Variants in KIRREL3 observed in about 807,000 individuals in gnomAD.
KIRREL3 encodes the protein kin of IRRE-like protein 3.
A neutral mutation model predicts 89.7 loss-of-function variants in KIRREL3; 36 were observed. That is an observed-to-expected ratio of 0.40 (90% CI 0.31 to 0.53). The LOEUF is 0.53. KIRREL3 is among the 20% of genes least tolerant of loss of function. The pLI, the probability that KIRREL3 is intolerant of heterozygous loss-of-function variation, is 0.49. For synonymous variants in KIRREL3, 445 were observed against 441.4 expected (o/e 1.01, Z -0.10); for missense variants, 864 against 1,056.6 (o/e 0.82, Z 2.53).
rs975714768 is a variant in KIRREL3 at position 126,879,177 on chromosome 11, C to T, written c.55+121278G>A. Among the ~76,000 whole-genome samples the T allele has an allele frequency of 1.1e-4, 16 of 152,280 alleles. No homozygotes were observed. The highest frequency in any genetic ancestry group is 6.2e-4 in the South Asian group (3 of 4,818). On this transcript the variant is annotated intron_variant, in intron 1 of 16. Transcript: ENST00000525144. The surrounding 1 kb of genome is among the most constrained non-coding windows in gnomAD (Gnocchi z 5.4). ...TAAAGAGGGAAACTGGAGCTCATCA[C>T]GGAGGTAATGTACAGGGAACCTATA...
intron 1 of KIRREL3, among the ~76,000 whole-genome samples, chr11:126,873,076 T>G (rs977623524): frequency 6.6e-6 from 1 of 152,204 alleles, no homozygotes; most frequent in Non-Finnish European, 1.5e-5. Context: ...TGATATAAAT[T>G]GTAGCTTTTT....
At chr11:126,714,966 C>T (rs1947902794) in intron 1 of KIRREL3, among the ~76,000 whole-genome samples, 1 of 152,176 alleles carries the variant, frequency 6.6e-6, no homozygotes, top group Non-Finnish European at 1.5e-5. Flanking sequence ...ATCCCAGGCA[C>T]CCGAGGCGTC....
At chr11:126,972,143 C>T (rs1169760710) in intron 1 of KIRREL3, among the ~76,000 whole-genome samples, 3 of 128,806 alleles carry the variant, frequency 2.3e-5, no homozygotes, top group Admixed American at 8.6e-5. Context: ...TTCCCTAGAC[C>T]TGGTGCCTAT....
In KIRREL3 at chr11:126,565,092, C is replaced by A. The variant is rs1940419803; in HGVS notation, c.56-2180G>T. Among the ~76,000 whole-genome samples the A allele has an allele frequency of 6.6e-6, 1 of 152,132 alleles. No individual in the cohort carries two copies. Among genetic ancestry groups the A allele is most frequent in the Admixed American group, 6.6e-5 (1 of 15,258 alleles). On this transcript the variant is annotated intron_variant, in intron 1 of 16. Coordinates refer to ENST00000525144, the MANE Select transcript of KIRREL3 (RefSeq NM_032531.4). The surrounding 1 kb of genome is among the most constrained non-coding windows in gnomAD (Gnocchi z 5.4). ...AGCTTGGGAGGGAGGCAGGGGAGCA[C>A]TGAGTAGGGAGGGCAGAAGATACTG...
intron 1 of KIRREL3, among the ~76,000 whole-genome samples, chr11:126,602,104 G>C (rs374102832): frequency 2.0e-5 from 3 of 152,124 alleles, no homozygotes; most frequent in Non-Finnish European, 4.4e-5. Context: ...CTCCTTTCTC[G>C]CAAAACAAAG....
chr11:126,546,528 C>T (rs12279928), intron 2 of KIRREL3, among the ~76,000 whole-genome samples: 3,506 of 152,292 alleles, frequency 0.023, 112 homozygotes, highest in African/African-American at 0.068. Context: ...GCAAGCGGGC[C>T]GCTTTCTGTC....
chr11:126,467,556 GAGT>G (rs1456805559), intron 5 of KIRREL3, among the ~76,000 whole-genome samples: 6 of 152,138 alleles, frequency 3.9e-5, no homozygotes, highest in African/African-American at 1.2e-4. Context: ...GAAAGGCCGA[GAGT>G]AGCCTGATTG....
At chr11:126,467,464 G>A (rs1956763330) in intron 5 of KIRREL3, among the ~76,000 whole-genome samples, 1 of 152,180 alleles carries the variant, frequency 6.6e-6, no homozygotes, top group Admixed American at 6.5e-5. Flanking sequence ...CTCGGAAATG[G>A]GTGGGCTGGA....
rs182189683 is a variant in KIRREL3, at chr11:126,769,218, C to T, written c.56-206306G>A. 4.7e-3 allele frequency among the ~76,000 whole-genome samples: 714 copies of T among 152,248 alleles called. 2 individuals are homozygous for T. Among genetic ancestry groups the T allele is most frequent in the South Asian group, 0.013 (62 of 4,818 alleles). The stretch of plus-strand genomic sequence containing the variant: ...TTCAACACATCTCTAATATGGCACA[C>T]GGTGTAATACATTGCCATTACCTGC... On this transcript the variant is annotated intron_variant, in intron 1 of 16. Transcript: ENST00000525144. The surrounding 1 kb of genome is among the most constrained non-coding windows in gnomAD (Gnocchi z 4.3).
intron 1 of KIRREL3, among the ~76,000 whole-genome samples, chr11:126,584,639 A>G (rs1421749414): frequency 1.3e-5 from 2 of 152,146 alleles, no homozygotes. Flanking sequence ...TCAGAGTAAC[A>G]CCACCAATGA....
rs994071200 is a variant in KIRREL3 at position 126,905,571 on chromosome 11, G to A, written c.55+94884C>T. ...GGGATCTTTCATTTTGGGCCTTATC[G>A]AACCTGTCCCGCTTGTGACCCACAA... is the stretch of plus-strand genomic sequence containing the variant. On this transcript the variant is annotated intron_variant, in intron 1 of 16. Transcript: ENST00000525144. The surrounding 1 kb of genome is among the most constrained non-coding windows in gnomAD (Gnocchi z 5.0). 1.3e-5 allele frequency among the ~76,000 whole-genome samples: 2 copies of A among 152,024 alleles called. No homozygotes were observed. Among genetic ancestry groups the A allele is most frequent in the East Asian group, 1.9e-4 (1 of 5,176 alleles).
Position 126,656,642 on chromosome 11 carries a change from T to C in KIRREL3, c.56-93730A>G, listed in dbSNP as rs1023806547. ...CATGCTTTTACCACCTTATACTGAG[T>C]AAGAAGATGAATTTGCACAGATTTC... On this transcript the variant is annotated intron_variant, in intron 1 of 16. Coordinates refer to ENST00000525144, the MANE Select transcript of KIRREL3 (RefSeq NM_032531.4). This position sits in a 1 kb window ranked among gnomAD's most constrained non-coding sequence, Gnocchi z 4.0. Among the ~76,000 whole-genome samples, 4 of 152,218 alleles carry C rather than the reference T, an allele frequency of 2.6e-5. No individual in the cohort carries two copies. Among genetic ancestry groups the C allele is most frequent in the Non-Finnish European group, 5.9e-5 (4 of 68,036 alleles).
rs181784431 is a variant in KIRREL3, at chr11:126,997,635, G to T, written c.55+2820C>A. On this transcript the variant is annotated intron_variant, in intron 1 of 16. Transcript: ENST00000525144. This position sits in a 1 kb window ranked among gnomAD's most constrained non-coding sequence, Gnocchi z 4.3. ...TAAAAGGTTATAAGAAAAAGTAAAG[G>T]TAAACAAACATTTGACAAATTAGGA... Among the ~76,000 whole-genome samples the T allele has an allele frequency of 1.4e-3, 208 of 152,178 alleles. 1 individual carries two copies. Among genetic ancestry groups the T allele is most frequent in the African/African-American group, 4.5e-3 (187 of 41,534 alleles).
At position 126,763,561 on chromosome 11, in the gene KIRREL3, C is replaced by T. The variant is rs967689618; in HGVS notation, c.56-200649G>A. ...CACAGAATCTGTGGGAACAAGTTAC[C>T]CAAGAAATGTGCCCAGGCTGAGGGA... On this transcript the variant is annotated intron_variant, in intron 1 of 16. Coordinates refer to ENST00000525144, the MANE Select transcript of KIRREL3 (RefSeq NM_032531.4). This position sits in a 1 kb window ranked among gnomAD's most constrained non-coding sequence, Gnocchi z 4.7. Among the ~76,000 whole-genome samples the T allele has an allele frequency of 1.3e-5, 2 of 152,150 alleles. No homozygotes were observed. Among genetic ancestry groups the T allele is most frequent in the Admixed American group, 1.3e-4 (2 of 15,276 alleles).
rs1260662376 is a variant in KIRREL3, at chr11:126,512,355, G to A, written c.433+8960C>T. ...GTCCTTGAGGCGAAGCTGTCCATGT[G>A]TGTATCCTTATGATTGGCACATAAA... On this transcript the variant is annotated intron_variant, in intron 4 of 16. Coordinates refer to ENST00000525144, the MANE Select transcript of KIRREL3 (RefSeq NM_032531.4). 3.9e-5 allele frequency among the ~76,000 whole-genome samples: 6 copies of A among 152,390 alleles called. No homozygotes were observed. In the East Asian group the frequency reaches 9.6e-4, roughly 24 times the overall value.
intron 1 of KIRREL3, among the ~76,000 whole-genome samples, chr11:126,866,530 T>TG (rs1046846652): frequency 5.0e-4 from 76 of 152,046 alleles, no homozygotes; most frequent in Admixed American, 2.3e-3. Flanking sequence ...ATGGGGTCCC[T>TG]GGGGGGGGCT....
intron 1 of KIRREL3, among the ~76,000 whole-genome samples, chr11:126,638,957 T>A (rs1944368211): frequency 1.3e-5 from 2 of 152,114 alleles, no homozygotes; most frequent in African/African-American, 2.4e-5. Context: ...TACCACTGCA[T>A]CCCCGGGGGC....
At position 126,872,768 on chromosome 11, in the gene KIRREL3, A is replaced by T. The variant is rs1042165280; in HGVS notation, c.55+127687T>A. Among the ~76,000 whole-genome samples, 6 of 152,256 alleles carry T rather than the reference A, an allele frequency of 3.9e-5. No homozygotes were observed. Among genetic ancestry groups the T allele is most frequent in the Admixed American group, 3.9e-4 (6 of 15,290 alleles). On this transcript the variant is annotated intron_variant, in intron 1 of 16. Transcript: ENST00000525144. This position sits in a 1 kb window ranked among gnomAD's most constrained non-coding sequence, Gnocchi z 4.2. ...TGGTGCTGAATATGAATGAGAAAGT[A>T]AATTAGATACTGATCAGCTCTCCAT...
chr11:126,475,938 C>T lies in KIRREL3; in HGVS notation c.434-2472G>A, dbSNP rs1957050789. Among the ~76,000 whole-genome samples the T allele has an allele frequency of 6.6e-6, 1 of 152,188 alleles. No homozygotes were observed. Among genetic ancestry groups the T allele is most frequent in the African/African-American group, 2.4e-5 (1 of 41,454 alleles). On this transcript the variant is annotated intron_variant, in intron 4 of 16. Coordinates refer to ENST00000525144, the MANE Select transcript of KIRREL3 (RefSeq NM_032531.4). This position sits in a 1 kb window ranked among gnomAD's most constrained non-coding sequence, Gnocchi z 7.5. ...GACCAGGATGGAGGAGCTCGGGCTC[C>T]ATGAGCTAGCTGAGGGCCTGGAAAA...
Sources: allele counts gnomAD v4.1 joint callset (sites outside exome capture counted in the v4.1 genomes callset), GRCh38; gene constraint gnomAD v4.1.1; non-coding constraint Gnocchi (gnomAD v3.1); transcripts MANE v1.5; gene names NCBI Gene and HGNC (gene_info 2026-07-23, HGNC 2026-07-21).